XPR1: variants seen among roughly 807,000 people sequenced by gnomAD.
XPR1 encodes xenotropic and polytropic retrovirus receptor 1.
Under a neutral mutation model 87.5 loss-of-function variants are expected in XPR1, and 28 were observed. The ratio of observed to expected loss-of-function variants is 0.32; its 90% confidence interval spans 0.24 to 0.44. XPR1 has a LOEUF of 0.44. XPR1 is among the 20% of genes least tolerant of loss of function. The pLI is 1.00. For missense variants in XPR1, 559 were observed against 862.3 expected (o/e 0.65, Z 4.41); for synonymous variants, 300 against 306.1 (o/e 0.98, Z 0.21).
At chr1:180,821,887 C>T (rs942867796) in intron 7 of XPR1, among the ~76,000 whole-genome samples, 2 of 152,116 alleles carry the variant, frequency 1.3e-5, no homozygotes, top group South Asian at 4.1e-4. Flanking sequence ...ATCTTGTACT[C>T]TACAACTGTG....
At chr1:180,650,976 CTTTT>C (rs1185345391) in intron 1 of XPR1, among the ~76,000 whole-genome samples, 1 of 152,202 alleles carries the variant, frequency 6.6e-6, no homozygotes, top group South Asian at 2.1e-4. Flanking sequence ...ACAGAAATAA[CTTTT>C]TTTAAGTCAA....
intron 11 of XPR1, among the ~76,000 whole-genome samples, chr1:180,854,527 G>T (rs1333348740): frequency 2.6e-5 from 4 of 152,164 alleles, no homozygotes; most frequent in Non-Finnish European, 5.9e-5. Flanking sequence ...GGCATCTTGT[G>T]CTCAGTCTCT....
intron 7 of XPR1, among the ~76,000 whole-genome samples, chr1:180,824,025 C>G (rs955878470): frequency 3.3e-5 from 5 of 152,154 alleles, no homozygotes; most frequent in Admixed American, 6.6e-5. Context: ...CATGGCAACT[C>G]TGTGAGGTAG....
At chr1:180,664,666 C>T (rs1004161937) in intron 1 of XPR1, among the ~76,000 whole-genome samples, 7 of 152,288 alleles carry the variant, frequency 4.6e-5, no homozygotes, top group Admixed American at 2.6e-4. Flanking sequence ...TACTAGGTCA[C>T]GTGTCCCCCC....
At chr1:180,683,078 C>G (rs553062729) in intron 2 of XPR1, among the ~76,000 whole-genome samples, 1 of 151,618 alleles carries the variant, frequency 6.6e-6, no homozygotes, top group Non-Finnish European at 1.5e-5. Flanking sequence ...CCCATTAACT[C>G]GTCGTTTAGC....
rs78825345 is a variant in XPR1, at chr1:180,736,189, A to G, written c.122-51564A>G. 7.0e-3 allele frequency among the ~76,000 whole-genome samples: 1,066 copies of G among 152,272 alleles called. 15 individuals carry two copies. Among genetic ancestry groups the G allele is most frequent in the African/African-American group, 0.024 (1,014 of 41,548 alleles). On this transcript the variant is annotated intron_variant, in intron 2 of 14. Coordinates refer to ENST00000367590, the MANE Select transcript of XPR1 (RefSeq NM_004736.4). ...GTTTTAGCTGATACTTGAAGGTTGAATTAACTAGGGGGAAGGATGGGGAAG... is the reference window on the plus strand; with the variant it reads ...GTTTTAGCTGATACTTGAAGGTTGAGTTAACTAGGGGGAAGGATGGGGAAG...
rs183058113 is a variant in XPR1, at chr1:180,656,409, A to G, written c.69+24139A>G. Among the ~76,000 whole-genome samples the G allele has an allele frequency of 1.4e-3, 55 of 38,454 alleles. 1 individual carries two copies. The highest frequency in any genetic ancestry group is 6.3e-3 in the African/African-American group (50 of 7,906). The allele number at this position is 38,454 out of a possible 152,430, so 25.2% of individuals were successfully genotyped here. A position where few individuals can be genotyped will look rare whatever the true frequency, so the allele number is the denominator to read the frequency against. On this transcript the variant is annotated intron_variant, in intron 1 of 14. Coordinates refer to ENST00000367590, the MANE Select transcript of XPR1 (RefSeq NM_004736.4). ...CATGTATTTATATATAAATATTTAT[A>G]TATTTATATATAAATATTTATATAT...
chr1:180,722,125 A>C (rs946310168), intron 2 of XPR1, among the ~76,000 whole-genome samples: 7 of 152,022 alleles, frequency 4.6e-5, no homozygotes, highest in African/African-American at 1.7e-4. Flanking sequence ...AAAATTAGTC[A>C]TGTGTGGTGG....
chr1:180,882,383 T>G (rs1188458388), intron 14 of XPR1, among the ~76,000 whole-genome samples: 2 of 152,164 alleles, frequency 1.3e-5, no homozygotes, highest in Non-Finnish European at 2.9e-5. Context: ...AAACAGTATC[T>G]CGCTCCGTTG....
intron 2 of XPR1, among the ~76,000 whole-genome samples, chr1:180,733,123 G>C (rs1321225068): frequency 6.6e-6 from 1 of 152,208 alleles, no homozygotes; most frequent in African/African-American, 2.4e-5. Context: ...CCAGCGGGCT[G>C]TGTGTCTGCC....
chr1:180,720,675 T>C (rs1467103049), intron 2 of XPR1, among the ~76,000 whole-genome samples: 2 of 152,184 alleles, frequency 1.3e-5, no homozygotes, highest in Non-Finnish European at 2.9e-5. Flanking sequence ...ACCCCAGATC[T>C]ACTAAATCAG....
chr1:180,811,377 T>G, intron 6 of XPR1, 30 bp from the exon 7 acceptor site: 3 of 1,574,870 alleles, frequency 1.9e-6, no homozygotes, highest in Non-Finnish European at 2.6e-6. Context: ...TGTTTTGTCC[T>G]GTACTCAAAT....
chr1:180,835,077 A>G, intron 10 of XPR1, 32 bp downstream of exon 10: 1 of 1,604,142 alleles, frequency 6.2e-7, no homozygotes, highest in South Asian at 1.1e-5. Flanking sequence ...ATACTACTAA[A>G]TCGCTGGTGT....
intron 11 of XPR1, among the ~76,000 whole-genome samples, chr1:180,837,956 G>T (rs1410771116): frequency 6.6e-6 from 1 of 151,928 alleles, no homozygotes; most frequent in Non-Finnish European, 1.5e-5. Context: ...TTTTTTGGTC[G>T]AATATTTTAG....
chr1:180,661,546 T>C (rs1655780516), intron 1 of XPR1, among the ~76,000 whole-genome samples: 1 of 150,978 alleles, frequency 6.6e-6, no homozygotes, highest in Non-Finnish European at 1.5e-5. Flanking sequence ...GAGGTTACCA[T>C]GAGGCTTGTA....
At chr1:180,704,278 T>TATATA (rs1192955477) in intron 2 of XPR1, among the ~76,000 whole-genome samples, 50 of 31,924 alleles carry the variant, frequency 1.6e-3, no homozygotes, top group African/African-American at 3.4e-3. Flanking sequence ...ATATATATAT[T>TATATA]ATCAGATTAT....
chr1:180,695,355 T>C lies in XPR1; in HGVS notation c.121+12944T>C, dbSNP rs188437318. Among the ~76,000 whole-genome samples the C allele has an allele frequency of 5.3e-5, 8 of 152,274 alleles. No homozygotes were observed. In the East Asian group the frequency reaches 1.2e-3, roughly 22 times the overall value. On this transcript the variant is annotated intron_variant, in intron 2 of 14. Transcript: ENST00000367590. ...CACTCTGCAGGTGCTGTCTTCACTC[T>C]GTTGATTGTTTCCTTTGCTGTGCAG...
At chr1:180,720,065 T>A (rs1047931484) in intron 2 of XPR1, among the ~76,000 whole-genome samples, 3 of 152,086 alleles carry the variant, frequency 2.0e-5, no homozygotes, top group African/African-American at 7.2e-5. Context: ...TAGAATGGTT[T>A]ACAACAAGGT....
intron 2 of XPR1, among the ~76,000 whole-genome samples, chr1:180,754,853 C>T (rs1299940447): frequency 6.6e-6 from 1 of 152,038 alleles, no homozygotes; most frequent in African/African-American, 2.4e-5. Flanking sequence ...AGTCTTTTGT[C>T]CCCCTCACTC....
Sources: gnomAD v4.1 joint callset for allele counts (sites outside exome capture counted in the v4.1 genomes callset) on GRCh38, gnomAD v4.1.1 for gene constraint, MANE v1.5 for transcripts, NCBI Gene and HGNC (gene_info 2026-07-23, HGNC 2026-07-21) for gene names.